The following ADAP1 variants were observed in gnomAD, a reference collection of about 807,000 sequenced individuals.
ADAP1 encodes arf-GAP with dual PH domain-containing protein 1.
A neutral mutation model predicts 54.9 loss-of-function variants in ADAP1; 31 were observed. The ratio of observed to expected loss-of-function variants is 0.56; its 90% confidence interval spans 0.42 to 0.76. The LOEUF (loss-of-function observed/expected upper bound fraction) is 0.76. Ranked by LOEUF, ADAP1 falls within the 30% of genes least tolerant of loss-of-function variation. The pLI, the probability that ADAP1 is intolerant of heterozygous loss-of-function variation, is 0.00. For synonymous variants in ADAP1, 313 were observed against 202.6 expected, an observed-to-expected ratio of 1.55 and a Z score of -4.63; for missense variants, 535 against 512.4, an observed-to-expected ratio of 1.04 and a Z score of -0.42.
At chr7:913,362 A>G (rs947693205) in intron 4 of ADAP1, among the ~76,000 whole-genome samples, 8 of 150,828 alleles carry the variant, frequency 5.3e-5, no homozygotes, top group African/African-American at 1.7e-4. Context: ...CACCACACCC[A>G]GCTAATTTTT....
chr7:900,075 C>T (rs774100673), intron 8 of ADAP1, 27 bp downstream of exon 8: 15 of 1,612,552 alleles, frequency 9.3e-6, no homozygotes, highest in Non-Finnish European at 1.3e-5. Flanking sequence ...CCCAGGCCAC[C>T]CCAGGCCGCA....
intron 6 of ADAP1, among the ~76,000 whole-genome samples, chr7:903,372 G>A (rs1844918143): frequency 6.6e-6 from 1 of 152,064 alleles, no homozygotes; most frequent in South Asian, 2.1e-4. Flanking sequence ...GCCTAAAGTG[G>A]GTAAATCTGC....
rs749155711 is a variant in ADAP1 at position 904,268 on chromosome 7, T to G, written c.506A>C (p.Lys169Thr). 4.4e-6 allele frequency: 7 copies of G among 1,590,638 alleles called. No homozygotes were observed. Among genetic ancestry groups the G allele is most frequent in the Non-Finnish European group, 6.0e-6 (7 of 1,167,574 alleles). ...GATCTTCATCACGGCCTTGGGCTCCTTGGCCTGAGAAGGGGTGGGGTCTAA... is the reference window on the plus strand; with the variant it reads ...GATCTTCATCACGGCCTTGGGCTCCGTGGCCTGAGAAGGGGTGGGGTCTAA... ...ALKYFNRNDA[K>T]EPKAVMKIEH... Residue 169 changes from lysine to threonine, a missense_variant, in exon 6 of 11, where the codon AAG becomes ACG. Transcript: ENST00000265846.
At chr7:901,722 C>A (rs2128633782) in intron 6 of ADAP1, among the ~76,000 whole-genome samples, 1 of 151,716 alleles carries the variant, frequency 6.6e-6, no homozygotes, top group Admixed American at 6.6e-5. Context: ...CAAGCCACAC[C>A]CACGCCACCC....
chr7:942,714 G>A (rs1262414646), intron 1 of ADAP1, among the ~76,000 whole-genome samples: 13 of 44,374 alleles, frequency 2.9e-4, no homozygotes, highest in African/African-American at 1.4e-3. Flanking sequence ...AGGGAGAGAG[G>A]AGGACGAAGG....
chr7:906,486 GA>G (rs1845350316), intron 4 of ADAP1, among the ~76,000 whole-genome samples: 6 of 66,568 alleles, frequency 9.0e-5, no homozygotes, highest in Admixed American at 1.9e-4. Context: ...GGAGAAAGGA[GA>G]AAGGGAAAGG....
At chr7:909,859 G>T (rs1037757954) in intron 4 of ADAP1, among the ~76,000 whole-genome samples, 3 of 100,488 alleles carry the variant, frequency 3.0e-5, no homozygotes, top group Non-Finnish European at 7.6e-5. Context: ...GGTGTGGGGT[G>T]GGGGGGGTTC....
intron 4 of ADAP1, among the ~76,000 whole-genome samples, chr7:910,989 C>A (rs540395619): frequency 6.6e-6 from 1 of 152,176 alleles, no homozygotes; most frequent in African/African-American, 2.4e-5. Flanking sequence ...TCTGTGAGCC[C>A]GCACAGGGCT....
chr7:907,302 G>A (rs1019110423), intron 4 of ADAP1, among the ~76,000 whole-genome samples: 3 of 152,176 alleles, frequency 2.0e-5, no homozygotes, highest in Admixed American at 2.0e-4. Flanking sequence ...GACGATCACA[G>A]GGGAGGGAGG....
chr7:910,559 G>A (rs141725057), intron 4 of ADAP1, among the ~76,000 whole-genome samples: 1 of 152,206 alleles, frequency 6.6e-6, no homozygotes, highest in African/African-American at 2.4e-5. Context: ...GAGACTGCTG[G>A]GTCTTGGATT....
chr7:925,781 C>T (rs761129678), intron 3 of ADAP1, among the ~76,000 whole-genome samples: 5 of 152,250 alleles, frequency 3.3e-5, no homozygotes, highest in Non-Finnish European at 5.9e-5. Context: ...GCACCCAGCT[C>T]GTGCTCGGGG....
At chr7:900,883 A>AGGGCCGGGCCGGGCCGGGCT (rs1844772899) in intron 6 of ADAP1, 2 of 393,248 alleles carry the variant, frequency 5.1e-6, no homozygotes, top group Non-Finnish European at 9.3e-6. Context: ...GAAGGGCCGA[A>AGGGCCGGGCCGGGCCGGGCT]GGGCCGGGCC....
At chr7:899,880 G>A (rs1385232058) in intron 8 of ADAP1, among the ~76,000 whole-genome samples, 2 of 152,218 alleles carry the variant, frequency 1.3e-5, no homozygotes, top group African/African-American at 2.4e-5. Flanking sequence ...CCGTGGGTGA[G>A]GAAGCTGGTC....
chr7:922,789 G>C (rs1583164933), intron 3 of ADAP1, among the ~76,000 whole-genome samples: 1 of 151,632 alleles, frequency 6.6e-6, no homozygotes, highest in Non-Finnish European at 1.5e-5. Flanking sequence ...AAAATAGCCC[G>C]GGTGGTGTTC....
intron 2 of ADAP1, among the ~76,000 whole-genome samples, chr7:930,516 A>T (rs571789929): frequency 6.5e-4 from 94 of 144,826 alleles, no homozygotes; most frequent in African/African-American, 2.0e-3. Context: ...TCACTACAAA[A>T]TTTTTTTTTT....
intron 4 of ADAP1, 121 bp downstream of exon 4, chr7:919,847 G>A (rs1486555856): frequency 2.7e-6 from 1 of 369,862 alleles, no homozygotes; most frequent in Non-Finnish European, 4.8e-6. Flanking sequence ...TGGGGGGAGG[G>A]AGGGAAAGAG....
intron 1 of ADAP1, among the ~76,000 whole-genome samples, chr7:951,225 T>C (rs1301102513): frequency 1.3e-5 from 2 of 151,732 alleles, no homozygotes; most frequent in Non-Finnish European, 2.9e-5. Flanking sequence ...ATACAAAAAT[T>C]AGCCGGGCGT....
intron 6 of ADAP1, among the ~76,000 whole-genome samples, chr7:901,991 T>G (rs758121368): frequency 5.3e-5 from 8 of 152,012 alleles, no homozygotes; most frequent in Non-Finnish European, 1.0e-4. Context: ...AGACGGGGCA[T>G]GCCTGGTGCA....
chr7:923,850 T>G (rs1366112578), intron 3 of ADAP1, among the ~76,000 whole-genome samples: 1 of 152,156 alleles, frequency 6.6e-6, no homozygotes, highest in Non-Finnish European at 1.5e-5. Context: ...TTGTCCAGGC[T>G]GCACGGAGGC....
Sources: gnomAD v4.1 joint callset for allele counts (sites outside exome capture counted in the v4.1 genomes callset) on GRCh38, gnomAD v4.1.1 for gene constraint, MANE v1.5 for transcripts, NCBI Gene and HGNC (gene_info 2026-07-23, HGNC 2026-07-21) for gene names.